WWOX: variants seen among roughly 807,000 people sequenced by gnomAD.
The protein encoded by WWOX is WW domain-containing oxidoreductase.
WWOX carries 69 observed loss-of-function variants against 46.2 expected under a neutral mutation model. That is an observed-to-expected ratio of 1.49 (90% CI 1.23 to 1.82). WWOX has a LOEUF of 1.82. Among genes scored for constraint, WWOX ranks in the 40% most tolerant of loss-of-function variants. WWOX has a pLI of 0.00. For synonymous variants in WWOX, 359 were observed against 202.6 expected, an observed-to-expected ratio of 1.77 and a Z score of -6.56; for missense variants, 919 against 542.6, an observed-to-expected ratio of 1.69 and a Z score of -6.89.
At chr16:78,576,729 G>T (rs1363910321) in intron 8 of WWOX, among the ~76,000 whole-genome samples, 1 of 152,132 alleles carries the variant, frequency 6.6e-6, no homozygotes, top group African/African-American at 2.4e-5. Context: ...CTACTCAAGA[G>T]GCTAAAGGGG....
intron 8 of WWOX, among the ~76,000 whole-genome samples, chr16:79,207,119 C>T (rs373051731): frequency 1.3e-5 from 2 of 152,126 alleles, no homozygotes; most frequent in Non-Finnish European, 2.9e-5. Context: ...AGACGGCCAT[C>T]TATTCCACCT....
chr16:78,567,283 C>T (rs879780508), intron 8 of WWOX, among the ~76,000 whole-genome samples: 11 of 151,984 alleles, frequency 7.2e-5, no homozygotes, highest in East Asian at 5.8e-4. Context: ...CGGTGGCTCA[C>T]GCCTGTAATC....
At chr16:78,108,542 A>C (rs898449285) in intron 2 of WWOX, 55 bp downstream of exon 2, 5 of 1,593,718 alleles carry the variant, frequency 3.1e-6, no homozygotes, top group Admixed American at 1.7e-5. Context: ...AGATGAGGAA[A>C]TGTCACTGGC....
intron 5 of WWOX, among the ~76,000 whole-genome samples, chr16:78,332,456 T>G (rs1187729658): frequency 6.6e-6 from 1 of 152,230 alleles, no homozygotes; most frequent in Non-Finnish European, 1.5e-5. Flanking sequence ...CATGAATTCC[T>G]GCACTAACAA....
At chr16:78,314,250 C>T (rs1298975556) in intron 5 of WWOX, among the ~76,000 whole-genome samples, 2 of 150,882 alleles carry the variant, frequency 1.3e-5, no homozygotes, top group East Asian at 4.0e-4. Context: ...ACTAAAAATA[C>T]AAAAAAAATT....
At chr16:79,113,950 C>A (rs1175397265) in intron 8 of WWOX, among the ~76,000 whole-genome samples, 1 of 152,194 alleles carries the variant, frequency 6.6e-6, no homozygotes, top group East Asian at 1.9e-4. Flanking sequence ...GGCCCAGCCA[C>A]AACGTGTTCT....
chr16:79,173,235 C>T (rs765080428), intron 8 of WWOX, among the ~76,000 whole-genome samples: 3 of 152,156 alleles, frequency 2.0e-5, no homozygotes, highest in Non-Finnish European at 4.4e-5. Flanking sequence ...TCCTGGGCCT[C>T]CTGAGGGGTG....
At position 79,174,036 on chromosome 16, in the gene WWOX, C is replaced by T. The variant is rs574504560; in HGVS notation, c.1057-37572C>T. On this transcript the variant is annotated intron_variant, in intron 8 of 8. Transcript: ENST00000566780. The stretch of plus-strand genomic sequence containing the variant: ...GGCAGGATACTGTATTTTCAAGATA[C>T]GCAATTGTAAGTGGTGCTCACATAC... 2.6e-4 allele frequency among the ~76,000 whole-genome samples: 40 copies of T among 152,262 alleles called. No homozygotes were observed. In the East Asian group the frequency reaches 2.9e-3, roughly 11 times the overall value.
intron 8 of WWOX, among the ~76,000 whole-genome samples, chr16:79,089,551 C>T (rs1199658485): frequency 4.6e-5 from 7 of 151,938 alleles, no homozygotes; most frequent in Non-Finnish European, 5.9e-5. Flanking sequence ...AGGGTGGTCT[C>T]GAACTCCTGA....
chr16:78,658,294 A>C (rs72794729), intron 8 of WWOX, among the ~76,000 whole-genome samples: 7,777 of 152,310 alleles, frequency 0.051, 280 homozygotes, highest in Non-Finnish European at 0.077. Flanking sequence ...GAAAGTATTA[A>C]TAAGACCCAA....
chr16:78,973,624 AG>A (rs1185526532), intron 8 of WWOX, among the ~76,000 whole-genome samples: 1 of 152,022 alleles, frequency 6.6e-6, no homozygotes. Flanking sequence ...GACCAACTTC[AG>A]GGTTTTATTT....
At chr16:78,668,827 C>T (rs781515497) in intron 8 of WWOX, among the ~76,000 whole-genome samples, 11 of 152,100 alleles carry the variant, frequency 7.2e-5, no homozygotes, top group Non-Finnish European at 1.0e-4. Flanking sequence ...ACCTTCAGAG[C>T]GTGTCTGAGT....
chr16:79,204,309 T>G (rs2051438059), intron 8 of WWOX: 1 of 152,080 alleles, frequency 6.6e-6, no homozygotes, highest in African/African-American at 2.4e-5. Flanking sequence ...GTCCGGTCAG[T>G]TCTAGAACGC....
At chr16:78,970,036 A>G (rs1030507108) in intron 8 of WWOX, among the ~76,000 whole-genome samples, 4 of 152,210 alleles carry the variant, frequency 2.6e-5, no homozygotes, top group Non-Finnish European at 5.9e-5. Context: ...AAAAAATTGT[A>G]TGAAAACTGT....
chr16:78,809,405 C>T (rs2051131026), intron 8 of WWOX, among the ~76,000 whole-genome samples: 1 of 150,282 alleles, frequency 6.7e-6, no homozygotes, highest in African/African-American at 2.4e-5. Flanking sequence ...TTGATATATT[C>T]TGCTTCCCTT....
chr16:78,902,577 A>G (rs1159730426), intron 8 of WWOX, among the ~76,000 whole-genome samples: 1 of 152,220 alleles, frequency 6.6e-6, no homozygotes, highest in South Asian at 2.1e-4. Context: ...ATGCCCGAGT[A>G]GAAAATCTGA....
intron 8 of WWOX, among the ~76,000 whole-genome samples, chr16:78,976,755 C>T (rs371877316): frequency 6.6e-6 from 1 of 152,206 alleles, no homozygotes; most frequent in African/African-American, 2.4e-5. Context: ...GGTCTTTTTA[C>T]TGCAACTACC....
At chr16:79,140,058 T>G (rs2050059926) in intron 8 of WWOX, among the ~76,000 whole-genome samples, 1 of 152,154 alleles carries the variant, frequency 6.6e-6, no homozygotes, top group East Asian at 1.9e-4. Flanking sequence ...CATTTTTGGA[T>G]TTTTCCTACT....
intron 8 of WWOX, among the ~76,000 whole-genome samples, chr16:78,494,740 C>T (rs1395097001): frequency 2.0e-5 from 3 of 152,140 alleles, no homozygotes; most frequent in Non-Finnish European, 4.4e-5. Flanking sequence ...CTTGAGTCAG[C>T]ACATTGAGCG....
Sources: allele counts gnomAD v4.1 joint callset (sites outside exome capture counted in the v4.1 genomes callset), GRCh38; gene constraint gnomAD v4.1.1; transcripts MANE v1.5; gene names NCBI Gene and HGNC (gene_info 2026-07-23, HGNC 2026-07-21).